Variants in PHIP observed in about 807,000 individuals in gnomAD.
PHIP encodes PH-interacting protein.
PHIP carries 54 observed loss-of-function variants against 236.8 expected under a neutral mutation model. The observed-to-expected ratio is 0.23, with a 90% CI of 0.18 to 0.29. The LOEUF is 0.29. Ranked by LOEUF, PHIP falls within the 10% of genes least tolerant of loss-of-function variation. The pLI, the probability that PHIP is intolerant of heterozygous loss-of-function variation, is 1.00. For synonymous variants in PHIP, 756 were observed against 718.9 expected, an observed-to-expected ratio of 1.05 and a Z score of -0.83; for missense variants, 1,370 against 2,190.8, an observed-to-expected ratio of 0.63 and a Z score of 7.48.
At chr6:79,007,003 G>A (rs1173105287) in intron 15 of PHIP, among the ~76,000 whole-genome samples, 1 of 151,890 alleles carries the variant, frequency 6.6e-6, no homozygotes, top group African/African-American at 2.4e-5. Context: ...AGGAGGAGAT[G>A]GGAGGATCAG....
At chr6:79,061,850 G>A (rs925327339) in intron 4 of PHIP, among the ~76,000 whole-genome samples, 1 of 152,086 alleles carries the variant, frequency 6.6e-6, no homozygotes, top group Non-Finnish European at 1.5e-5. Flanking sequence ...GTGGGGGGAG[G>A]TGAGGATTTA....
intron 35 of PHIP, among the ~76,000 whole-genome samples, chr6:78,950,408 T>G (rs1317988012): frequency 6.6e-6 from 1 of 152,194 alleles, no homozygotes; most frequent in East Asian, 1.9e-4. Flanking sequence ...CTGGAAGAGA[T>G]TGTGTAGAAT....
In PHIP at chr6:78,936,163, CTG is replaced by C. The variant is rs1489543352; in HGVS notation, c.*4528_*4529del. On this transcript the variant is annotated 3_prime_UTR_variant, in exon 40 of 40. Coordinates refer to ENST00000275034, the MANE Select transcript of PHIP (RefSeq NM_017934.7). The stretch of plus-strand genomic sequence containing the variant: ...TAAATAATTAATTTGTTTTAAAACT[CTG>C]TGTTACTTATTACATACAACAGATC... The C allele has an allele frequency of 3.3e-5, 5 of 151,952 alleles. No individual in the cohort carries two copies. The highest frequency in any genetic ancestry group is 1.2e-4 in the African/African-American group (5 of 41,442). The allele number at this position is 151,952 out of a possible 1,614,324, so 9.4% of individuals were successfully genotyped here.
At chr6:78,992,756 AC>A in intron 19 of PHIP, among the ~76,000 whole-genome samples, 1 of 152,242 alleles carries the variant, frequency 6.6e-6, no homozygotes, top group East Asian at 1.9e-4. Flanking sequence ...TGCTCCACTA[AC>A]TAGCCATTGC....
At chr6:78,994,074 G>A (rs1292522938) in intron 19 of PHIP, among the ~76,000 whole-genome samples, 1 of 152,144 alleles carries the variant, frequency 6.6e-6, no homozygotes, top group African/African-American at 2.4e-5. Flanking sequence ...AGACATCAGT[G>A]GAAGAAGTTA....
rs148769458 is a variant in PHIP at position 78,992,232 on chromosome 6, G to A, written c.2202-1247C>T. ...CCCACCTCGGCCTCCCAAAGTGCTG[G>A]GATTACAGGTGTGAGCCACCGCGCC... On this transcript the variant is annotated intron_variant, in intron 19 of 39. Transcript: ENST00000275034. 7.2e-4 allele frequency among the ~76,000 whole-genome samples: 110 copies of A among 151,948 alleles called. No homozygotes were observed. The Middle Eastern group carries it at 0.017, about 24-fold the overall frequency.
At chr6:79,003,697 A>G (rs765954807) in intron 16 of PHIP, 33 bp downstream of exon 16, 14 of 1,482,412 alleles carry the variant, frequency 9.4e-6, no homozygotes, top group Non-Finnish European at 1.2e-5. Flanking sequence ...TTAAAAAAAA[A>G]TAAGGACATG....
chr6:79,031,068 A>G (rs1582253447), intron 7 of PHIP, among the ~76,000 whole-genome samples: 1 of 151,896 alleles, frequency 6.6e-6, no homozygotes, highest in African/African-American at 2.4e-5. Flanking sequence ...CTCAGCCTCC[A>G]GAATAGCTGG....
intron 6 of PHIP, among the ~76,000 whole-genome samples, chr6:79,050,397 A>C (rs925740925): frequency 2.0e-5 from 3 of 152,174 alleles, no homozygotes; most frequent in African/African-American, 7.2e-5. Context: ...TAAGGAAACC[A>C]AAGGATAAAA....
chr6:79,073,591 T>C (rs1052111051), intron 4 of PHIP, among the ~76,000 whole-genome samples: 3 of 152,122 alleles, frequency 2.0e-5, no homozygotes, highest in Admixed American at 6.5e-5. Context: ...CTGAAAGTTG[T>C]CTCTAGGTTT....
At chr6:78,978,817 G>C in intron 23 of PHIP, 106 bp from the exon 24 acceptor site, 2 of 906,978 alleles carry the variant, frequency 2.2e-6, no homozygotes, top group Non-Finnish European at 3.2e-6. Flanking sequence ...AAGGGGAAGG[G>C]CACCATTGTA....
At chr6:78,946,297 C>CT in intron 37 of PHIP, 37 bp from the exon 38 acceptor site, 1 of 1,565,240 alleles carries the variant, frequency 6.4e-7, no homozygotes, top group South Asian at 1.2e-5. Flanking sequence ...ACTCTTATAG[C>CT]TCTATGTGAA....
intron 17 of PHIP, among the ~76,000 whole-genome samples, chr6:78,998,816 T>A (rs79069857): frequency 0.02 from 2,973 of 152,248 alleles, 88 homozygotes; most frequent in African/African-American, 0.067. Flanking sequence ...TTAAAAAAAA[T>A]GTTTACTGCC....
chr6:79,027,913 T>C (rs1026169126), intron 7 of PHIP, among the ~76,000 whole-genome samples: 12 of 152,128 alleles, frequency 7.9e-5, no homozygotes, highest in South Asian at 2.1e-4. Flanking sequence ...GCGTACCTCA[T>C]AGGATTGTCA....
intron 4 of PHIP, among the ~76,000 whole-genome samples, chr6:79,063,915 A>T (rs903975638): frequency 2.6e-5 from 4 of 152,122 alleles, no homozygotes; most frequent in Non-Finnish European, 4.4e-5. Flanking sequence ...GGGTCTCTGG[A>T]AAGAACAGTG....
chr6:78,960,826 C>T (rs1000802125), intron 31 of PHIP, among the ~76,000 whole-genome samples: 3 of 151,530 alleles, frequency 2.0e-5, no homozygotes, highest in Non-Finnish European at 2.9e-5. Context: ...AAATTTAAGT[C>T]ATAAAAAGAA....
At chr6:78,982,817 G>T in intron 23 of PHIP, 69 bp downstream of exon 23, 1 of 879,778 alleles carries the variant, frequency 1.1e-6, no homozygotes, top group Non-Finnish European at 1.7e-6. Context: ...GTGATCAATT[G>T]TACTTCAAGA....
chr6:79,043,473 C>A (rs901977590), intron 6 of PHIP, among the ~76,000 whole-genome samples: 1 of 152,084 alleles, frequency 6.6e-6, no homozygotes, highest in Non-Finnish European at 1.5e-5. Context: ...TTAAAAACAT[C>A]TTTATAACAA....
Position 79,038,549 on chromosome 6 carries a change from G to C in PHIP, c.600+4294C>G, listed in dbSNP as rs544520154. On this transcript the variant is annotated intron_variant, in intron 7 of 39. Transcript: ENST00000275034. ...GTTTTTCAGTACTAATCTTACTTTA[G>C]GTTTCTGCCTTTCATGAAATTCTCA... Among the ~76,000 whole-genome samples the C allele has an allele frequency of 1.2e-3, 186 of 152,220 alleles. 1 individual carries two copies. The highest frequency in any genetic ancestry group is 2.1e-3 in the Non-Finnish European group (145 of 68,022).
Sources: gnomAD v4.1 joint callset for allele counts (sites outside exome capture counted in the v4.1 genomes callset) on GRCh38, gnomAD v4.1.1 for gene constraint, MANE v1.5 for transcripts, NCBI Gene and HGNC (gene_info 2026-07-23, HGNC 2026-07-21) for gene names.